Variants in COL25A1 observed in about 807,000 individuals in gnomAD.
The protein encoded by COL25A1 is collagen alpha-1(XXV) chain.
In COL25A1, 103 loss-of-function variants were observed where a neutral mutation model predicts 128.4. The ratio of observed to expected loss-of-function variants is 0.80; its 90% CI spans 0.68 to 0.94. The LOEUF is 0.94. Ranked by LOEUF, COL25A1 falls within the 40% of genes least tolerant of loss-of-function variation. The pLI is 0.00. For synonymous variants in COL25A1, 279 were observed against 277.2 expected (o/e 1.01, Z -0.06); for missense variants, 745 against 840.0 (o/e 0.89, Z 1.40).
chr4:109,242,302 C>A (rs751477132), intron 3 of COL25A1, among the ~76,000 whole-genome samples: 2 of 152,002 alleles, frequency 1.3e-5, no homozygotes, highest in Non-Finnish European at 2.9e-5. Flanking sequence ...AGTATTTAGC[C>A]CCATTTTTTA....
At chr4:108,842,921 C>G (rs1377463928) in intron 30 of COL25A1, among the ~76,000 whole-genome samples, 2 of 152,002 alleles carry the variant, frequency 1.3e-5, no homozygotes, top group African/African-American at 4.8e-5. Context: ...AAAGCGGGTG[C>G]ATCACTTGGG....
chr4:109,110,051 C>T (rs776641099), intron 3 of COL25A1, among the ~76,000 whole-genome samples: 11 of 152,138 alleles, frequency 7.2e-5, no homozygotes, highest in Non-Finnish European at 1.5e-4. Flanking sequence ...GTTTTCATGC[C>T]TCTATATTCA....
chr4:109,036,355 T>G (rs1759352581), intron 5 of COL25A1, among the ~76,000 whole-genome samples: 2 of 152,240 alleles, frequency 1.3e-5, no homozygotes, highest in Admixed American at 6.5e-5. Context: ...ATTCTCATTT[T>G]CCACACGACT....
chr4:109,045,529 C>T (rs1760348787), intron 5 of COL25A1, among the ~76,000 whole-genome samples: 1 of 152,128 alleles, frequency 6.6e-6, no homozygotes, highest in South Asian at 2.1e-4. Context: ...AAGCCACCTA[C>T]TCTAAAGCAA....
At chr4:109,214,613 TAC>T (rs1777842723) in intron 3 of COL25A1, among the ~76,000 whole-genome samples, 1 of 128,958 alleles carries the variant, frequency 7.8e-6, no homozygotes, top group Non-Finnish European at 1.6e-5. Flanking sequence ...TAAATATATA[TAC>T]ATATATATAA....
At chr4:108,886,840 G>A (rs756534302) in intron 18 of COL25A1, among the ~76,000 whole-genome samples, 6 of 152,012 alleles carry the variant, frequency 3.9e-5, no homozygotes, top group Non-Finnish European at 7.4e-5. Flanking sequence ...TCCATTACAG[G>A]AGAACCTCAA....
chr4:109,002,374 T>G (rs1245494552), intron 6 of COL25A1, among the ~76,000 whole-genome samples: 1 of 152,192 alleles, frequency 6.6e-6, no homozygotes, highest in Non-Finnish European at 1.5e-5. Context: ...GGAATATTAT[T>G]TAGCCACAAA....
At chr4:109,097,243 G>A (rs1425922601) in intron 3 of COL25A1, among the ~76,000 whole-genome samples, 1 of 152,124 alleles carries the variant, frequency 6.6e-6, no homozygotes, top group Non-Finnish European at 1.5e-5. Flanking sequence ...TAGTGCAAGA[G>A]CTCAGTTCAA....
At chr4:108,819,943 GA>G in intron 35 of COL25A1, 1 of 908,726 alleles carries the variant, frequency 1.1e-6, no homozygotes, top group Non-Finnish European at 1.4e-6. Flanking sequence ...TTATTTGGGG[GA>G]AAATAACGGT....
At chr4:109,217,595 C>G (rs1230026370) in intron 3 of COL25A1, among the ~76,000 whole-genome samples, 1 of 152,120 alleles carries the variant, frequency 6.6e-6, no homozygotes, top group Non-Finnish European at 1.5e-5. Flanking sequence ...TAGGCGCTGA[C>G]AAGCCAGATA....
intron 5 of COL25A1, among the ~76,000 whole-genome samples, chr4:109,047,728 C>CTTTTTTTTT (rs59105153): frequency 1.5e-5 from 2 of 132,194 alleles, no homozygotes; most frequent in Non-Finnish European, 3.3e-5. Flanking sequence ...TAAGTATACT[C>CTTTTTTTTT]TTTTTTTTTT....
chr4:109,196,409 A>G (rs2046351606), intron 3 of COL25A1, among the ~76,000 whole-genome samples: 1 of 152,128 alleles, frequency 6.6e-6, no homozygotes, highest in Non-Finnish European at 1.5e-5. Flanking sequence ...ATGTGTGTAT[A>G]TATGTGTATA....
chr4:109,066,911 T>C (rs1481273442), intron 3 of COL25A1, among the ~76,000 whole-genome samples: 2 of 152,098 alleles, frequency 1.3e-5, no homozygotes, highest in Non-Finnish European at 2.9e-5. Context: ...CCTCAGGCAA[T>C]CCTCCCAACT....
chr4:109,174,548 T>C (rs891382010), intron 3 of COL25A1, among the ~76,000 whole-genome samples: 1 of 152,128 alleles, frequency 6.6e-6, no homozygotes, highest in African/African-American at 2.4e-5. Context: ...TCATTGACAT[T>C]GCTCCTGGGT....
intron 11 of COL25A1, among the ~76,000 whole-genome samples, chr4:108,929,072 A>T (rs1318197290): frequency 6.6e-6 from 1 of 152,122 alleles, no homozygotes; most frequent in East Asian, 1.9e-4. Flanking sequence ...TTTATATCCT[A>T]CTTAATAAAC....
At chr4:109,019,375 C>CACATATATATAT (rs1338511772) in intron 5 of COL25A1, among the ~76,000 whole-genome samples, 10 of 48,878 alleles carry the variant, frequency 2.0e-4, no homozygotes, top group Non-Finnish European at 2.4e-4. Context: ...CACACACACA[C>CACATATATATAT]ATATATATAT....
At chr4:109,184,183 T>TA (rs1269670149) in intron 3 of COL25A1, among the ~76,000 whole-genome samples, 1 of 152,200 alleles carries the variant, frequency 6.6e-6, no homozygotes, top group African/African-American at 2.4e-5. Context: ...AAGGAAGTGC[T>TA]AAACCAGGCA....
At chr4:109,282,914 T>C (rs1444163858) in intron 3 of COL25A1, among the ~76,000 whole-genome samples, 1 of 152,252 alleles carries the variant, frequency 6.6e-6, no homozygotes, top group Non-Finnish European at 1.5e-5. Context: ...ATATTTATTG[T>C]ACCTAATTAT....
chr4:109,117,893 A>C (rs1767754030), intron 3 of COL25A1, among the ~76,000 whole-genome samples: 1 of 151,946 alleles, frequency 6.6e-6, no homozygotes, highest in African/African-American at 2.4e-5. Context: ...AACTACTTAA[A>C]ACCAGTGTTT....
Sources: allele counts gnomAD v4.1 joint callset (sites outside exome capture counted in the v4.1 genomes callset), GRCh38; gene constraint gnomAD v4.1.1; transcripts MANE v1.5; gene names NCBI Gene and HGNC (gene_info 2026-07-23, HGNC 2026-07-21).